SND1: variants seen among roughly 807,000 people sequenced by gnomAD.
SND1 encodes the protein staphylococcal nuclease domain-containing protein 1.
In SND1, 38 loss-of-function variants were observed where a neutral mutation model predicts 121.7. That is an observed-to-expected ratio of 0.31 (90% CI 0.24 to 0.41). The LOEUF (loss-of-function observed/expected upper bound fraction) is 0.41, where lower values mean the gene tolerates loss of function less well. Ranked by LOEUF, SND1 falls within the 10% of genes least tolerant of loss-of-function variation. The pLI, the probability that SND1 is intolerant of heterozygous loss-of-function variation, is 1.00. For synonymous variants in SND1, 401 were observed against 447.4 expected (o/e 0.90, Z 1.31); for missense variants, 868 against 1,184.6 (o/e 0.73, Z 3.92).
chr7:127,948,636 T>G (rs888842149), intron 15 of SND1, among the ~76,000 whole-genome samples: 6 of 152,186 alleles, frequency 3.9e-5, no homozygotes, highest in Admixed American at 1.3e-4. Context: ...GAAGAGCAAT[T>G]AGGGCCCTAA....
At chr7:127,885,688 T>C (rs1799892199) in intron 12 of SND1, among the ~76,000 whole-genome samples, 1 of 152,148 alleles carries the variant, frequency 6.6e-6, no homozygotes, top group Non-Finnish European at 1.5e-5. Flanking sequence ...GGTGGATCAT[T>C]AAACATTTGT....
At chr7:127,688,125 A>C (rs1413770205) in intron 2 of SND1, among the ~76,000 whole-genome samples, 1 of 152,176 alleles carries the variant, frequency 6.6e-6, no homozygotes, top group East Asian at 1.9e-4. Context: ...TTATGGCTCA[A>C]AAGTAGTTAA....
At chr7:127,810,904 T>C (rs977878703) in intron 11 of SND1, among the ~76,000 whole-genome samples, 5 of 152,214 alleles carry the variant, frequency 3.3e-5, no homozygotes, top group Non-Finnish European at 5.9e-5. Context: ...GTATTTAAAC[T>C]TGCAATTTGT....
chr7:127,664,712 CT>C (rs1181829785), intron 1 of SND1, among the ~76,000 whole-genome samples: 2 of 152,172 alleles, frequency 1.3e-5, no homozygotes, highest in Non-Finnish European at 2.9e-5. Context: ...GTGGCTTGAG[CT>C]TGGCATCTTC....
In SND1 at chr7:127,675,783, G is replaced by T. The variant is rs1301620699; in HGVS notation, c.79-10830G>T. Among the ~76,000 whole-genome samples the T allele has an allele frequency of 2.0e-5, 3 of 152,182 alleles. No homozygotes were observed. In the East Asian group the frequency reaches 5.8e-4, roughly 29 times the overall value. On this transcript the variant is annotated intron_variant, in intron 1 of 23. Transcript: ENST00000354725. ...TACCTATCCTGAAAGATTTTCTTTC[G>T]ACAGCTGGGCTAGATTTCTCTTAAA...
intron 12 of SND1, among the ~76,000 whole-genome samples, chr7:127,862,375 C>A (rs1477103938): frequency 6.6e-6 from 1 of 152,084 alleles, no homozygotes; most frequent in Non-Finnish European, 1.5e-5. Context: ...AATCCGGTGC[C>A]CGGTGATCTT....
intron 15 of SND1, among the ~76,000 whole-genome samples, chr7:127,931,995 C>T (rs1800964450): frequency 6.6e-6 from 1 of 152,216 alleles, no homozygotes; most frequent in Non-Finnish European, 1.5e-5. Context: ...GAAGATTGTA[C>T]ATGCCTGCTA....
At position 127,701,251 on chromosome 7, in the gene SND1, A is replaced by G. The variant is rs931864712; in HGVS notation, c.517A>G (p.Ile173Val). The change falls in exon 5 of 24, where the codon ATC becomes GTC. Residue 173 changes from isoleucine (I) to valine (V), a missense_variant. Ile to Val is a conservative substitution (Grantham distance 29). This residue lies in a region of SND1 where 743 missense variants were observed against 1,071.3 expected (regional missense o/e 0.69). Transcript: ENST00000354725. ...GAGTGAGGGGAACGGTTCACATACT[A>G]TCCGGGATCTCAAGTATACCATTGA... ...MWSEGNGSHT[I>V]RDLKYTIENP... 1 of 1,613,960 alleles carries G rather than the reference A, an allele frequency of 6.2e-7. No homozygotes were observed. The highest frequency in any genetic ancestry group is 8.5e-7 in the Non-Finnish European group (1 of 1,179,972).
chr7:127,678,184 A>T (rs1795647281), intron 1 of SND1, among the ~76,000 whole-genome samples: 1 of 152,148 alleles, frequency 6.6e-6, no homozygotes, highest in Admixed American at 6.5e-5. Flanking sequence ...GAATATCAGG[A>T]TTGGGAAACT....
chr7:127,820,912 T>G (rs1798535700), intron 11 of SND1, among the ~76,000 whole-genome samples: 1 of 152,208 alleles, frequency 6.6e-6, no homozygotes, highest in African/African-American at 2.4e-5. Context: ...CCATTTTTTC[T>G]TGTTTCTGTT....
At chr7:127,830,827 T>G (rs1798725315) in intron 11 of SND1, among the ~76,000 whole-genome samples, 1 of 152,174 alleles carries the variant, frequency 6.6e-6, no homozygotes, top group African/African-American at 2.4e-5. Context: ...GCTCCTAGTT[T>G]GCTGTCTAGG....
chr7:127,763,527 T>C (rs1347851756), intron 10 of SND1, among the ~76,000 whole-genome samples: 2 of 152,096 alleles, frequency 1.3e-5, no homozygotes. Flanking sequence ...TTTTATTTTT[T>C]GAAGAGATAG....
intron 14 of SND1, among the ~76,000 whole-genome samples, chr7:127,926,549 C>T (rs543629716): frequency 8.8e-5 from 8 of 90,530 alleles, no homozygotes; most frequent in Admixed American, 1.5e-4. Flanking sequence ...TTTTCTTTTT[C>T]TTTTTTTTTT....
intron 15 of SND1, chr7:127,949,202 T>C (rs1584688589): frequency 6.6e-6 from 1 of 152,244 alleles, no homozygotes; most frequent in Non-Finnish European, 1.5e-5. Flanking sequence ...CCCTGTTCGC[T>C]CTTAAATCAC....
intron 15 of SND1, among the ~76,000 whole-genome samples, chr7:127,974,867 G>A (rs1420438506): frequency 1.3e-5 from 2 of 152,192 alleles, no homozygotes; most frequent in African/African-American, 4.8e-5. Context: ...TAGGATGGTT[G>A]ACTGAGAAAG....
intron 16 of SND1, among the ~76,000 whole-genome samples, chr7:128,070,956 G>T (rs745977473): frequency 3.9e-5 from 6 of 152,172 alleles, no homozygotes; most frequent in Non-Finnish European, 8.8e-5. Flanking sequence ...GAACAGGGTA[G>T]AACAAGACAA....
chr7:127,904,430 A>G (rs116171933), intron 13 of SND1: 1 of 194,104 alleles, frequency 5.2e-6, no homozygotes, highest in African/African-American at 2.3e-5. Flanking sequence ...GTGCTCCTCT[A>G]ACTGATTCTT....
intron 15 of SND1, among the ~76,000 whole-genome samples, chr7:127,986,400 G>T (rs1231139947): frequency 6.6e-6 from 1 of 152,158 alleles, no homozygotes; most frequent in African/African-American, 2.4e-5. Context: ...AACCAAAATG[G>T]TAAGATTTTG....
At chr7:127,659,185 A>G (rs141717318) in intron 1 of SND1, among the ~76,000 whole-genome samples, 145 of 152,306 alleles carry the variant, frequency 9.5e-4, no homozygotes, top group African/African-American at 3.3e-3. Flanking sequence ...GGAGACTGAC[A>G]TATGCTTTTT....
Sources: allele counts gnomAD v4.1 joint callset (sites outside exome capture counted in the v4.1 genomes callset), GRCh38; gene constraint gnomAD v4.1.1; regional missense constraint gnomAD v4.1.1; transcripts MANE v1.5; gene names NCBI Gene and HGNC (gene_info 2026-07-23, HGNC 2026-07-21).